The following WDR3 variants were observed in gnomAD, a reference collection of about 807,000 sequenced individuals.
WDR3 encodes the protein WD repeat domain 3, also known as WD repeat-containing protein 3.
A neutral mutation model predicts 123.7 loss-of-function variants in WDR3; 81 were observed. The observed-to-expected ratio is 0.65, with a 90% CI of 0.55 to 0.79. The LOEUF (loss-of-function observed/expected upper bound fraction) is 0.79, where lower values mean the gene tolerates loss of function less well. WDR3 is among the 30% of genes least tolerant of loss of function. The pLI is 0.00. For missense variants in WDR3, 1,027 were observed against 1,123.2 expected, an observed-to-expected ratio of 0.91 and a Z score of 1.22; for synonymous variants, 390 against 388.8, an observed-to-expected ratio of 1.00 and a Z score of -0.04.
At chr1:117,944,124 C>G (rs1030764269) in intron 11 of WDR3, among the ~76,000 whole-genome samples, 1 of 152,176 alleles carries the variant, frequency 6.6e-6, no homozygotes, top group Non-Finnish European at 1.5e-5. Context: ...TTTGTTTTCT[C>G]CATTCTGTCT....
In WDR3 at chr1:117,964,019, G is replaced by T; in HGVS notation, c.*4572G>T. The T allele has an allele frequency of 6.8e-7, 1 of 1,472,864 alleles. No homozygotes were observed. Among genetic ancestry groups the T allele is most frequent in the South Asian group, 1.3e-5 (1 of 75,656 alleles). The allele number at this position is 1,472,864 out of a possible 1,614,324, so 91.2% of individuals were successfully genotyped here. A position where few individuals can be genotyped will look rare whatever the true frequency, so the allele number is the denominator to read the frequency against. Reference sequence around the variant, plus strand: ...ACCTAAATAACATTTTAGAATCATAGAATTTCTTCTCTGGCAACATCAGTT... The same window carrying T: ...ACCTAAATAACATTTTAGAATCATATAATTTCTTCTCTGGCAACATCAGTT... On this transcript the variant is annotated 3_prime_UTR_variant, in exon 27 of 27. Transcript: ENST00000349139.
chr1:117,953,477 T>C lies in WDR3; in HGVS notation c.2204T>C (p.Val735Ala), dbSNP rs1399214879. Reference sequence around the variant, plus strand: ...CAAGGATTTCTTTGTTTCTGGCAGGTTCCAGGAGAGACTCAAGGTGACAGT... The same window carrying C: ...CAAGGATTTCTTTGTTTCTGGCAGGCTCCAGGAGAGACTCAAGGTGACAGT... ...ESVAKEDQPAVPGETQGDSYF... is the reference protein window; with the variant it reads ...ESVAKEDQPAAPGETQGDSYF... The change falls in exon 21 of 27, where the codon GTT becomes GCT. Residue 735 changes from valine to alanine, a missense_variant and splice_region_variant. Coordinates refer to ENST00000349139, the MANE Select transcript of WDR3 (RefSeq NM_006784.3). The C allele has an allele frequency of 6.2e-7, 1 of 1,612,704 alleles. No homozygotes were observed. The highest frequency in any genetic ancestry group is 8.5e-7 in the Non-Finnish European group (1 of 1,179,070).
rs553954371 is a variant in WDR3, at chr1:117,953,849, A to G, written c.2269-158A>G. 74 of 654,634 alleles carry G rather than the reference A, an allele frequency of 1.1e-4. No homozygotes were observed. The African/African-American group carries it at 1.2e-3, about 10-fold the overall frequency. 40.6% of individuals were successfully genotyped at this position (654,634 alleles called of 1,614,324 possible). A position where few individuals can be genotyped will look rare whatever the true frequency, so the allele number is the denominator to read the frequency against. On this transcript the variant is annotated intron_variant, in intron 21 of 26. Transcript: ENST00000349139. ...TACATTAAAAAATAAGAAAACCAAAAATGTCTTTAAATGCTTTTTGGCACT... is the reference window on the plus strand; with the variant it reads ...TACATTAAAAAATAAGAAAACCAAAGATGTCTTTAAATGCTTTTTGGCACT...
rs374661817 is a variant in WDR3 at position 117,950,091 on chromosome 1, G to A, written c.1707G>A (p.Leu569=). 1.9e-6 allele frequency: 3 copies of A among 1,613,636 alleles called. No individual in the cohort carries two copies. The African/African-American group carries it at 4.0e-5, about 22-fold the overall frequency. The part of the protein sequence containing the change: ...PNQKLLAVSL[L]DCTVKIFYVD... ...AAAAGCTATTGGCTGTGTCTTTGCTGGACTGTACTGTGAAAATTTTCTACG... is the reference window on the plus strand; with the variant it reads ...AAAAGCTATTGGCTGTGTCTTTGCTAGACTGTACTGTGAAAATTTTCTACG... The change falls in exon 15 of 27, where the codon CTG becomes CTA. Residue 569 remains leucine (L), a synonymous_variant. Coordinates refer to ENST00000349139, the MANE Select transcript of WDR3 (RefSeq NM_006784.3).
At chr1:117,942,355 G>C (rs1434182066) in intron 9 of WDR3, 82 bp from the exon 10 acceptor site, 1 of 1,136,728 alleles carries the variant, frequency 8.8e-7, no homozygotes, top group Non-Finnish European at 1.3e-6. Flanking sequence ...TGTTGGTCAA[G>C]GGGCCAGATT....
In WDR3 at chr1:117,957,167, T is replaced by A. The variant is rs1333475074; in HGVS notation, c.2553T>A (p.Leu851=). 6.2e-7 allele frequency: 1 copy of A among 1,612,338 alleles called. No individual in the cohort carries two copies. Among genetic ancestry groups the A allele is most frequent in the Non-Finnish European group, 8.5e-7 (1 of 1,179,350 alleles). ...TTCAGCTGGGCTCTGATGTTGAACT[T>A]ATATGCCGGTGCCTCTTCTTCCTCC... is the stretch of plus-strand genomic sequence containing the variant. ...EFIQLGSDVE[L]ICRCLFFLLR... is the part of the protein sequence containing the mutation. The change falls in exon 25 of 27, where the codon CTT becomes CTA. Residue 851 remains leucine, a synonymous_variant. Transcript: ENST00000349139.
rs76763683 is a variant in WDR3, at chr1:117,941,868, C to T, written c.989+21C>T. Reference sequence around the variant, plus strand: ...GCAAAGTATGTTTTCTTAATACTTACATTAATAATGAAGTATCCTGGGTAG... The same window carrying T: ...GCAAAGTATGTTTTCTTAATACTTATATTAATAATGAAGTATCCTGGGTAG... On this transcript the variant is annotated intron_variant, in intron 9 of 26. Transcript: ENST00000349139. 1,687 of 1,590,090 alleles carry T rather than the reference C, an allele frequency of 1.1e-3. 8 individuals are homozygous for T. In the African/African-American group the frequency reaches 0.016, roughly 15 times the overall value.
intron 6 of WDR3, 38 bp from the exon 7 acceptor site, chr1:117,940,789 A>T: frequency 6.5e-7 from 1 of 1,533,260 alleles, no homozygotes; most frequent in Non-Finnish European, 8.9e-7. Flanking sequence ...CCTGGAACAT[A>T]CTATTTCAGC....
chr1:117,952,244 CTT>C (rs1310366409), intron 17 of WDR3, 51 bp from the exon 18 acceptor site: 1 of 1,544,170 alleles, frequency 6.5e-7, no homozygotes, highest in East Asian at 2.2e-5. Flanking sequence ...GTGTAAAACT[CTT>C]TTTACTAACC....
intron 24 of WDR3, 70 bp downstream of exon 24, chr1:117,955,428 G>A: frequency 7.4e-7 from 1 of 1,355,394 alleles, no homozygotes; most frequent in Non-Finnish European, 1.0e-6. Context: ...ATCTGAACGG[G>A]AAATAAATAG....
intron 2 of WDR3, chr1:117,933,699 G>A (rs1421302592): frequency 3.1e-6 from 2 of 634,944 alleles, no homozygotes; most frequent in South Asian, 3.3e-5. Context: ...CAATGAAATA[G>A]GAGCTTATTT....
chr1:117,948,325 C>A, intron 12 of WDR3, 80 bp from the exon 13 acceptor site: 3 of 1,253,086 alleles, frequency 2.4e-6, no homozygotes, highest in East Asian at 2.4e-5. Context: ...GTTATGAAGT[C>A]TTTTCTAAAT....
chr1:117,948,377 G>A, intron 12 of WDR3, 28 bp from the exon 13 acceptor site: 2 of 1,596,864 alleles, frequency 1.3e-6, no homozygotes, highest in Non-Finnish European at 1.7e-6. Context: ...ATGTTCATTG[G>A]AGCTGTGCTC....
At position 117,936,852 on chromosome 1, in the gene WDR3, A is replaced by T; in HGVS notation, c.465A>T (p.Ala155=). Residue 155 remains alanine, a synonymous_variant, in exon 4 of 27, where the codon GCA becomes GCT. Transcript: ENST00000349139. ...GGCACAAGGATGCCATCACACAAGC[A>T]TTGTTTCTACGAGAAAAGAACCTGC... ...LKGHKDAITQ[A]LFLREKNLLV... The T allele has an allele frequency of 1.2e-6, 2 of 1,613,302 alleles. No homozygotes were observed.
At chr1:117,937,272 T>G (rs1028765146) in intron 4 of WDR3, among the ~76,000 whole-genome samples, 1 of 152,222 alleles carries the variant, frequency 6.6e-6, no homozygotes, top group Non-Finnish European at 1.5e-5. Flanking sequence ...AGAGATGTAC[T>G]GTACTTCATA....
chr1:117,941,310 C>A, intron 8 of WDR3, 85 bp downstream of exon 8: 1 of 1,360,426 alleles, frequency 7.4e-7, no homozygotes, highest in Non-Finnish European at 1.0e-6. Flanking sequence ...GTAAAGATGA[C>A]TTTTTCTTGA....
At chr1:117,946,380 A>AC (rs1651382008) in intron 12 of WDR3, among the ~76,000 whole-genome samples, 1 of 152,166 alleles carries the variant, frequency 6.6e-6, no homozygotes, top group South Asian at 2.1e-4. Flanking sequence ...TAAAATCATG[A>AC]CCCTGAGATA....
At chr1:117,931,135 G>A (rs77149591) in intron 1 of WDR3, among the ~76,000 whole-genome samples, 5,823 of 152,248 alleles carry the variant, frequency 0.038, 231 homozygotes, top group African/African-American at 0.095. Context: ...GGTTCTTGCT[G>A]TGTTGCCTAT....
chr1:117,934,711 A>T, intron 3 of WDR3, 29 bp downstream of exon 3: 1 of 1,610,582 alleles, frequency 6.2e-7, no homozygotes, highest in Non-Finnish European at 8.5e-7. Flanking sequence ...CCAGGCTTTG[A>T]TCTATTAAAG....
Sources: allele counts gnomAD v4.1 joint callset (sites outside exome capture counted in the v4.1 genomes callset), GRCh38; gene constraint gnomAD v4.1.1; transcripts MANE v1.5; gene names NCBI Gene and HGNC (gene_info 2026-07-23, HGNC 2026-07-21).